The following STX8 variants were observed in gnomAD, a reference collection of about 807,000 sequenced individuals.
STX8 encodes the protein syntaxin-8.
STX8 carries 23 observed loss-of-function variants against 37.5 expected under a neutral mutation model. The ratio of observed to expected loss-of-function variants is 0.61; its 90% CI spans 0.44 to 0.87. The LOEUF (loss-of-function observed/expected upper bound fraction) is 0.87, where lower values mean the gene tolerates loss of function less well. Ranked by LOEUF, STX8 falls within the 40% of genes least tolerant of loss-of-function variation. STX8 has a pLI of 0.00. For missense variants in STX8, 313 were observed against 284.7 expected (o/e 1.10, Z -0.71); for synonymous variants, 115 against 99.1 (o/e 1.16, Z -0.95).
chr17:9,302,626 T>C (rs1179370173), intron 7 of STX8, among the ~76,000 whole-genome samples: 1 of 152,160 alleles, frequency 6.6e-6, no homozygotes, highest in African/African-American at 2.4e-5. Context: ...CACTTCATGC[T>C]CTTTTCCGCT....
At chr17:9,272,425 C>T (rs904400616) in intron 7 of STX8, among the ~76,000 whole-genome samples, 1 of 152,214 alleles carries the variant, frequency 6.6e-6, no homozygotes, top group Non-Finnish European at 1.5e-5. Context: ...GCCAGTGTGG[C>T]ATTTATTTCC....
intron 7 of STX8, among the ~76,000 whole-genome samples, chr17:9,344,258 CTTTTTTTT>C (rs200606281): frequency 0.013 from 1,865 of 145,796 alleles, 36 homozygotes; most frequent in African/African-American, 0.04. Context: ...TGATACTAAA[CTTTTTTTT>C]TTTTTTTTTT....
At chr17:9,379,622 T>C (rs921856045) in intron 6 of STX8, among the ~76,000 whole-genome samples, 1 of 152,210 alleles carries the variant, frequency 6.6e-6, no homozygotes, top group Non-Finnish European at 1.5e-5. Flanking sequence ...AAAACTTTAA[T>C]GTTTTTTGTT....
chr17:9,393,187 GA>G (rs1391617457), intron 6 of STX8, among the ~76,000 whole-genome samples: 4 of 152,238 alleles, frequency 2.6e-5, no homozygotes, highest in African/African-American at 9.6e-5. Flanking sequence ...AGGCCAGAAG[GA>G]AGTATAGCAC....
intron 7 of STX8, among the ~76,000 whole-genome samples, chr17:9,315,474 T>C (rs752046920): frequency 4.6e-5 from 7 of 152,180 alleles, no homozygotes; most frequent in Non-Finnish European, 1.0e-4. Context: ...AGCCCAATTC[T>C]AATGCATTTA....
intron 7 of STX8, among the ~76,000 whole-genome samples, chr17:9,305,057 A>G (rs914596423): frequency 2.0e-5 from 3 of 151,824 alleles, no homozygotes; most frequent in Admixed American, 1.3e-4. Flanking sequence ...CACTTTCGGT[A>G]TAGTATTCAA....
chr17:9,545,703 C>T (rs934531846), intron 3 of STX8, among the ~76,000 whole-genome samples: 6 of 152,192 alleles, frequency 3.9e-5, no homozygotes, highest in Non-Finnish European at 5.9e-5. Context: ...GCCTCAGCCT[C>T]CCGAGTAGCT....
Position 9,369,304 on chromosome 17 carries a change from T to C in STX8, c.643+9248A>G, listed in dbSNP as rs148419426. Among the ~76,000 whole-genome samples the C allele has an allele frequency of 6.6e-3, 1,001 of 152,024 alleles. 15 individuals carry two copies. The highest frequency in any genetic ancestry group is 0.022 in the African/African-American group (924 of 41,492). On this transcript the variant is annotated intron_variant, in intron 7 of 7. Coordinates refer to ENST00000306357, the MANE Select transcript of STX8 (RefSeq NM_004853.3). ...GGGTACAGAGACAGACACACAAGAA[T>C]GTAAAGAAAAAGGGGCCAAGAGATT... is the stretch of plus-strand genomic sequence containing the variant.
At chr17:9,455,911 C>T (rs9903869) in intron 6 of STX8, among the ~76,000 whole-genome samples, 28,841 of 152,110 alleles carry the variant, frequency 0.19, 3,596 homozygotes, top group East Asian at 0.63. Context: ...AATTAGGATT[C>T]TGACCATTTC....
chr17:9,385,271 T>C (rs1032857424), intron 6 of STX8, among the ~76,000 whole-genome samples: 1 of 152,206 alleles, frequency 6.6e-6, no homozygotes, highest in Admixed American at 6.5e-5. Flanking sequence ...GTTCTGTTTA[T>C]ATATAGTAGC....
intron 6 of STX8, among the ~76,000 whole-genome samples, chr17:9,479,935 C>T (rs73265554): frequency 0.025 from 3,776 of 152,212 alleles, 139 homozygotes; most frequent in African/African-American, 0.084. Context: ...CGCTCCTTTG[C>T]GTAAAGGCCC....
chr17:9,517,788 T>TAAAAAAAAAAAA (rs11318149), intron 4 of STX8, among the ~76,000 whole-genome samples: 1 of 98,748 alleles, frequency 1.0e-5, no homozygotes, highest in Non-Finnish European at 2.0e-5. Context: ...ACCCCTATTG[T>TAAAAAAAAAAAA]AAAAAAAAAA....
intron 7 of STX8, among the ~76,000 whole-genome samples, chr17:9,327,428 G>C (rs1167287610): frequency 6.6e-6 from 1 of 152,058 alleles, no homozygotes; most frequent in Non-Finnish European, 1.5e-5. Flanking sequence ...AAGATCCAAA[G>C]ACTCAGGGAA....
chr17:9,520,647 C>T (rs566081497), intron 4 of STX8, among the ~76,000 whole-genome samples: 1 of 152,034 alleles, frequency 6.6e-6, no homozygotes, highest in Non-Finnish European at 1.5e-5. Context: ...ATTTTCATCC[C>T]CCAAAGAAAA....
At chr17:9,489,157 G>A (rs1306686613) in intron 6 of STX8, among the ~76,000 whole-genome samples, 2 of 152,140 alleles carry the variant, frequency 1.3e-5, no homozygotes, top group South Asian at 2.1e-4. Context: ...GATTACAGGC[G>A]TGAGCCACTG....
chr17:9,412,136 G>C (rs1913002418), intron 6 of STX8, among the ~76,000 whole-genome samples: 1 of 152,130 alleles, frequency 6.6e-6, no homozygotes, highest in African/African-American at 2.4e-5. Flanking sequence ...ATAGTCCAAG[G>C]AACACAGTGG....
chr17:9,505,042 G>C lies in STX8; in HGVS notation c.444C>G (p.Ile148Met). The change falls in exon 5 of 8, where the codon ATC (isoleucine) becomes ATG (methionine). Residue 148 changes from isoleucine to methionine, a missense_variant. Coordinates refer to ENST00000306357, the MANE Select transcript of STX8 (RefSeq NM_004853.3). ...DEIRQQQQKI[I>M]QEQDAGLDAL... ...ACTCCTCAGGATATTTAGTACCTTG[G>C]ATAATTTTCTGCTGCTGTTGCCGGA... The C allele has an allele frequency of 6.2e-7, 1 of 1,603,890 alleles. No homozygotes were observed. Among genetic ancestry groups the C allele is most frequent in the Middle Eastern group, 1.7e-4 (1 of 6,004 alleles).
At chr17:9,423,145 C>T (rs148135876) in intron 6 of STX8, among the ~76,000 whole-genome samples, 140 of 152,188 alleles carry the variant, frequency 9.2e-4, no homozygotes, top group African/African-American at 3.0e-3. Context: ...TCAAAAGAAA[C>T]GTTCACTTTT....
At chr17:9,296,438 C>A (rs2142170766) in intron 7 of STX8, among the ~76,000 whole-genome samples, 1 of 148,740 alleles carries the variant, frequency 6.7e-6, no homozygotes, top group South Asian at 2.1e-4. Context: ...GTGGAGGTTG[C>A]AGTGAACCAA....
Sources: allele counts gnomAD v4.1 joint callset (sites outside exome capture counted in the v4.1 genomes callset), GRCh38; gene constraint gnomAD v4.1.1; transcripts MANE v1.5; gene names NCBI Gene and HGNC (gene_info 2026-07-23, HGNC 2026-07-21).